The following ADAMTSL1 variants were observed in gnomAD, a reference collection of about 807,000 sequenced individuals.
The protein encoded by ADAMTSL1 is ADAMTS like 1.
A neutral mutation model predicts 201.8 loss-of-function variants in ADAMTSL1; 126 were observed. The ratio of observed to expected loss-of-function variants is 0.62; its 90% CI spans 0.54 to 0.72. The LOEUF (loss-of-function observed/expected upper bound fraction) is 0.72. ADAMTSL1 is among the 30% of genes least tolerant of loss of function. The pLI is 0.00. For synonymous variants in ADAMTSL1, 1,121 were observed against 903.4 expected (o/e 1.24, Z -4.32); for missense variants, 2,679 against 2,277.8 (o/e 1.18, Z -3.59).
chr9:18,482,847 G>A (rs968538159), intron 1 of ADAMTSL1, among the ~76,000 whole-genome samples: 15 of 152,132 alleles, frequency 9.9e-5, no homozygotes, highest in African/African-American at 3.6e-4. Flanking sequence ...TGGTGGGAAC[G>A]TTTTCAGAAC....
intron 1 of ADAMTSL1, among the ~76,000 whole-genome samples, chr9:17,975,124 G>T (rs759426254): frequency 6.6e-6 from 1 of 151,908 alleles, no homozygotes; most frequent in Admixed American, 6.6e-5. Context: ...GTGATGTCAA[G>T]CATCTTTTTA....
chr9:18,526,243 T>C (rs144468254), intron 2 of ADAMTSL1, among the ~76,000 whole-genome samples: 3,035 of 152,348 alleles, frequency 0.02, 40 homozygotes, highest in Non-Finnish European at 0.031. Context: ...AAGTTTGTTT[T>C]ATCAGAGACT....
At chr9:18,005,945 C>G (rs1161677818) in intron 1 of ADAMTSL1, among the ~76,000 whole-genome samples, 3 of 151,920 alleles carry the variant, frequency 2.0e-5, no homozygotes, top group Non-Finnish European at 2.9e-5. Context: ...TAAAATCTAT[C>G]TCATAGACTT....
chr9:18,168,409 A>G (rs1005022722), intron 2 of ADAMTSL1, among the ~76,000 whole-genome samples: 3 of 152,032 alleles, frequency 2.0e-5, no homozygotes, highest in African/African-American at 7.2e-5. Flanking sequence ...GTTTGCTGAG[A>G]ATGATGGTTT....
chr9:18,603,175 A>G (rs1201055959), intron 4 of ADAMTSL1, among the ~76,000 whole-genome samples: 1 of 142,658 alleles, frequency 7.0e-6, no homozygotes, highest in Non-Finnish European at 1.5e-5. Flanking sequence ...AGAGCTTTCT[A>G]TTCCTTTGTT....
At chr9:18,671,985 C>T (rs770355574) in intron 9 of ADAMTSL1, among the ~76,000 whole-genome samples, 1 of 151,894 alleles carries the variant, frequency 6.6e-6, no homozygotes, top group Non-Finnish European at 1.5e-5. Context: ...TGCAGTGAGC[C>T]GAGATCGCAC....
chr9:18,559,244 C>T (rs1164048468), intron 3 of ADAMTSL1, among the ~76,000 whole-genome samples: 2 of 152,172 alleles, frequency 1.3e-5, no homozygotes, highest in Non-Finnish European at 2.9e-5. Context: ...GTTTTCCCAA[C>T]ACCATTTATT....
At chr9:18,504,410 G>C (rs777014254) in intron 1 of ADAMTSL1, among the ~76,000 whole-genome samples, 1 of 152,162 alleles carries the variant, frequency 6.6e-6, no homozygotes, top group African/African-American at 2.4e-5. Context: ...GTTAGATTTT[G>C]GGAAGCAGTT....
At chr9:18,432,888 G>C in intron 2 of ADAMTSL1, among the ~76,000 whole-genome samples, 1 of 152,158 alleles carries the variant, frequency 6.6e-6, no homozygotes, top group East Asian at 1.9e-4. Context: ...AAGTGTCCCT[G>C]CCTCCTTTGT....
intron 19 of ADAMTSL1, 45 bp from the exon 20 acceptor site, chr9:18,795,352 G>T (rs1435285658): frequency 1.1e-5 from 17 of 1,609,218 alleles, no homozygotes; most frequent in Non-Finnish European, 1.4e-5. Context: ...CCAAAAAGGA[G>T]TCAACTGACT....
chr9:18,561,475 A>C (rs1821493981), intron 3 of ADAMTSL1, among the ~76,000 whole-genome samples: 1 of 152,072 alleles, frequency 6.6e-6, no homozygotes, highest in Non-Finnish European at 1.5e-5. Flanking sequence ...GAATAAGTGT[A>C]ATGTGGTGCT....
intron 2 of ADAMTSL1, among the ~76,000 whole-genome samples, chr9:18,359,195 C>G (rs1198327448): frequency 6.6e-6 from 1 of 152,104 alleles, no homozygotes; most frequent in Non-Finnish European, 1.5e-5. Flanking sequence ...AAGCTCTGGT[C>G]CTGCACTTAC....
At chr9:17,957,913 G>C (rs1427781778) in intron 1 of ADAMTSL1, among the ~76,000 whole-genome samples, 2 of 152,146 alleles carry the variant, frequency 1.3e-5, no homozygotes, top group Non-Finnish European at 2.9e-5. Flanking sequence ...GCGTGGCCCT[G>C]CCAGCATCTT....
At chr9:18,172,918 T>C (rs1287558941) in intron 2 of ADAMTSL1, among the ~76,000 whole-genome samples, 3 of 152,132 alleles carry the variant, frequency 2.0e-5, no homozygotes, top group East Asian at 1.9e-4. Context: ...TTAGAGAAAA[T>C]ATATATAAAG....
intron 7 of ADAMTSL1, among the ~76,000 whole-genome samples, chr9:18,648,854 C>G (rs1284021493): frequency 6.6e-6 from 1 of 152,086 alleles, no homozygotes; most frequent in Non-Finnish European, 1.5e-5. Flanking sequence ...GTGAATCTGA[C>G]AATTATGTGT....
intron 2 of ADAMTSL1, among the ~76,000 whole-genome samples, chr9:18,218,472 G>A (rs1039679152): frequency 4.6e-5 from 7 of 152,064 alleles, no homozygotes; most frequent in African/African-American, 9.7e-5. Flanking sequence ...AAGTTCAAAC[G>A]TTACCAAATG....
At chr9:18,782,992 T>C (rs1821487753) in intron 19 of ADAMTSL1, among the ~76,000 whole-genome samples, 1 of 151,882 alleles carries the variant, frequency 6.6e-6, no homozygotes, top group African/African-American at 2.4e-5. Context: ...CAGGAAGAAT[T>C]TGGAGGATGT....
intron 2 of ADAMTSL1, among the ~76,000 whole-genome samples, chr9:18,246,732 A>C (rs1563832831): frequency 6.6e-6 from 1 of 152,200 alleles, no homozygotes; most frequent in Non-Finnish European, 1.5e-5. Flanking sequence ...TAATATGTGA[A>C]TTGTAGCAGG....
intron 4 of ADAMTSL1, among the ~76,000 whole-genome samples, chr9:18,618,277 A>G (rs2132649541): frequency 1.3e-5 from 2 of 152,238 alleles, no homozygotes; most frequent in Middle Eastern, 3.4e-3. Flanking sequence ...ATTTTTGCAG[A>G]CTCGTATGTC....
Sources: gnomAD v4.1 joint callset for allele counts (sites outside exome capture counted in the v4.1 genomes callset) on GRCh38, gnomAD v4.1.1 for gene constraint, MANE v1.5 for transcripts, NCBI Gene and HGNC (gene_info 2026-07-23, HGNC 2026-07-21) for gene names.